The following UNC13D variants were observed in gnomAD, a reference collection of about 807,000 sequenced individuals.
UNC13D encodes the protein unc-13 homolog D, also known as protein unc-13 homolog D.
A neutral mutation model predicts 151.7 loss-of-function variants in UNC13D; 115 were observed. The observed-to-expected ratio is 0.76, with a 90% CI of 0.65 to 0.88. UNC13D has a LOEUF of 0.88. Among genes scored for constraint, UNC13D ranks in the 40% least tolerant of loss-of-function variants. UNC13D has a pLI of 0.00. For missense variants in UNC13D, 1,369 were observed against 1,438.7 expected (o/e 0.95, Z 0.78); for synonymous variants, 588 against 612.2 (o/e 0.96, Z 0.58).
In UNC13D at chr17:75,840,435, G is replaced by A; in HGVS notation, c.753+72C>T. ...AGGCTCAGCTTTGTGAGGACACAGA[G>A]CCTCTCCCCAGAACCCCTCCCAACC... On this transcript the variant is annotated intron_variant, in intron 9 of 31. Coordinates refer to ENST00000207549, the MANE Select transcript of UNC13D (RefSeq NM_199242.3). The surrounding 1 kb of genome is among the most constrained non-coding windows in gnomAD (Gnocchi z 4.6). The A allele has an allele frequency of 6.2e-7, 1 of 1,609,140 alleles. No homozygotes were observed. The highest frequency in any genetic ancestry group is 1.7e-5 in the Admixed American group (1 of 59,952).
At position 75,836,889 on chromosome 17, in the gene UNC13D, T is replaced by C; in HGVS notation, c.1085A>G (p.Gln362Arg). Reference protein sequence around the residue: ...AQWLAYSRLYQSLEFPSSCLL... With the variant: ...AQWLAYSRLYRSLEFPSSCLL... Reference sequence around the variant, plus strand: ...GCAGCTGCTGGGGAACTCCAGGCTCTGGTAGAGGCGGCTGTAGGCCAGCCA... The same window carrying C: ...GCAGCTGCTGGGGAACTCCAGGCTCCGGTAGAGGCGGCTGTAGGCCAGCCA... The change falls in exon 13 of 32, where the codon CAG (glutamine) becomes CGG (arginine). Residue 362 changes from glutamine to arginine, a missense_variant. Transcript: ENST00000207549. 1 of 1,613,514 alleles carries C rather than the reference T, an allele frequency of 6.2e-7. No individual in the cohort carries two copies. Among genetic ancestry groups the C allele is most frequent in the Non-Finnish European group, 8.5e-7 (1 of 1,180,004 alleles).
At position 75,840,605 on chromosome 17, in the gene UNC13D, A is replaced by G; in HGVS notation, c.684-29T>C. ...CGTCAGGCAGGGTCCCATAAGGGGG[A>G]CGCAGCAAGGGTCGGAAGGGATTAG... On this transcript the variant is annotated intron_variant, in intron 8 of 31. Coordinates refer to ENST00000207549, the MANE Select transcript of UNC13D (RefSeq NM_199242.3). This position sits in a 1 kb window ranked among gnomAD's most constrained non-coding sequence, Gnocchi z 4.6. The G allele has an allele frequency of 6.2e-7, 1 of 1,613,722 alleles. No homozygotes were observed. The highest frequency in any genetic ancestry group is 8.5e-7 in the Non-Finnish European group (1 of 1,179,936).
chr17:75,831,472 C>T, intron 25 of UNC13D, 124 bp from the exon 26 acceptor site: 1 of 844,294 alleles, frequency 1.2e-6, no homozygotes, highest in Non-Finnish European at 1.8e-6. Context: ...CTCCCACCCC[C>T]AACCTCCCCC....
chr17:75,843,785 A>G, intron 1 of UNC13D: 1 of 1,405,802 alleles, frequency 7.1e-7, no homozygotes, highest in Non-Finnish European at 9.3e-7. Context: ...CCCAGAGGAA[A>G]CAGCTCTGCT....
rs141576434 is a variant in UNC13D at position 75,830,324 on chromosome 17, G to A, written c.2830+38C>T. 1,795 of 1,586,000 alleles carry A rather than the reference G, an allele frequency of 1.1e-3. 15 individuals carry two copies. The African/African-American group carries it at 0.019, about 17-fold the overall frequency. On this transcript the variant is annotated intron_variant, in intron 29 of 31. Transcript: ENST00000207549. ...GTCGCTGAGACAGGAGGGCCAGGAC[G>A]GGACCATGGAGAGTGGCCAAAGGCA...
At chr17:75,839,975 T>C in intron 11 of UNC13D, 33 bp from the exon 12 acceptor site, 1 of 1,613,544 alleles carries the variant, frequency 6.2e-7, no homozygotes, top group South Asian at 1.1e-5. Flanking sequence ...TGTCAGGACC[T>C]GAAGGGCAGC....
At position 75,829,933 on chromosome 17, in the gene UNC13D, G is replaced by A. The variant is rs2062149518; in HGVS notation, c.2954+95C>T. The A allele has an allele frequency of 8.4e-6, 13 of 1,542,898 alleles. No individual in the cohort carries two copies. In the Admixed American group the frequency reaches 1.2e-4, roughly 14 times the overall value. On this transcript the variant is annotated intron_variant, in intron 30 of 31. Transcript: ENST00000207549. ...TGGGCCCAAATGTGGCCATCTCAGG[G>A]GAGCCCCTTGGCCCCAGCCAGGAGG...
intron 12 of UNC13D, 73 bp from the exon 13 acceptor site, chr17:75,836,991 TG>T (rs1203791200): frequency 4.0e-6 from 4 of 991,576 alleles, no homozygotes; most frequent in Non-Finnish European, 5.4e-6. Flanking sequence ...CGGCCTCAGG[TG>T]GGGGGAATCG....
chr17:75,837,904 A>C (rs954650896), intron 12 of UNC13D, among the ~76,000 whole-genome samples: 14 of 152,104 alleles, frequency 9.2e-5, no homozygotes, highest in African/African-American at 2.7e-4. Flanking sequence ...GATGGGGGAG[A>C]GGAGCAGCCT....
rs1599406063 is a variant in UNC13D, at chr17:75,833,430, C to G, written c.2368-385G>C. ...CTAAAAATACAACCCTCTGACACTT[C>G]TCAGCCGCTTCTCTGTTTTAAATTT... On this transcript the variant is annotated intron_variant, in intron 24 of 31. Coordinates refer to ENST00000207549, the MANE Select transcript of UNC13D (RefSeq NM_199242.3). The surrounding 1 kb of genome is among the most constrained non-coding windows in gnomAD (Gnocchi z 4.0). Among the ~76,000 whole-genome samples, 1 of 151,994 alleles carries G rather than the reference C, an allele frequency of 6.6e-6. No homozygotes were observed. Among genetic ancestry groups the G allele is most frequent in the East Asian group, 1.9e-4 (1 of 5,168 alleles).
chr17:75,837,953 C>T (rs1158561758), intron 12 of UNC13D, among the ~76,000 whole-genome samples: 2 of 152,082 alleles, frequency 1.3e-5, no homozygotes, highest in African/African-American at 4.8e-5. Context: ...CTGCAGCCAC[C>T]TGCATTACTG....
In UNC13D at chr17:75,840,003, C is replaced by A. The variant is rs759200590; in HGVS notation, c.951+15G>T. On this transcript the variant is annotated intron_variant, in intron 11 of 31. Transcript: ENST00000207549. The surrounding 1 kb of genome is among the most constrained non-coding windows in gnomAD (Gnocchi z 4.6). ...AGGGCAGCCCCGGCTGCGCCCAGCC[C>A]CAGGAGGGCAATACCTCGTGCTGGG... The A allele has an allele frequency of 6.2e-7, 1 of 1,613,522 alleles. No individual in the cohort carries two copies.
chr17:75,835,009 T>C lies in UNC13D; in HGVS notation c.1903A>G (p.Thr635Ala). ...GTGTGGCTGATCTGGGCAAAGCAGGTGGATAGATCCACCGCTGATGTGCTG... is the reference window on the plus strand; with the variant it reads ...GTGTGGCTGATCTGGGCAAAGCAGGCGGATAGATCCACCGCTGATGTGCTG... Reference protein sequence around the residue: ...KHSTSAVDLSTCFAQISHTAR... With the variant: ...KHSTSAVDLSACFAQISHTAR... The change falls in exon 21 of 32, where the codon ACC becomes GCC. Residue 635 changes from threonine to alanine, a missense_variant. Transcript: ENST00000207549. 1.2e-6 allele frequency: 2 copies of C among 1,613,890 alleles called. No individual in the cohort carries two copies. The highest frequency in any genetic ancestry group is 1.7e-6 in the Non-Finnish European group (2 of 1,179,982).
chr17:75,843,868 C>T (rs561527785), intron 1 of UNC13D: 12 of 1,369,508 alleles, frequency 8.8e-6, no homozygotes, highest in East Asian at 5.8e-5. Flanking sequence ...GGTGCCACGT[C>T]GGCCTGGGGG....
intron 12 of UNC13D, among the ~76,000 whole-genome samples, chr17:75,838,213 TC>T (rs1027984616): frequency 4.7e-5 from 7 of 148,802 alleles, no homozygotes; most frequent in Non-Finnish European, 1.0e-4. Context: ...CTTGGCTGTG[TC>T]CCATCTCTTT....
intron 12 of UNC13D, among the ~76,000 whole-genome samples, chr17:75,838,927 C>A (rs1033886064): frequency 2.6e-5 from 4 of 152,130 alleles, no homozygotes; most frequent in Admixed American, 6.5e-5. Context: ...GGTGAAACCC[C>A]ATCTCTACTA....
At chr17:75,830,275 T>C in intron 29 of UNC13D, 87 bp downstream of exon 29, 1 of 1,561,674 alleles carries the variant, frequency 6.4e-7, no homozygotes, top group Non-Finnish European at 8.7e-7. Flanking sequence ...CCAGAGCTCC[T>C]GCAGGGTGAG....
chr17:75,838,732 G>A (rs554266720), intron 12 of UNC13D, among the ~76,000 whole-genome samples: 6 of 152,346 alleles, frequency 3.9e-5, no homozygotes, highest in Admixed American at 3.3e-4. Flanking sequence ...CTCAGGAGAC[G>A]AAAGCAACTG....
Position 75,827,633 on chromosome 17 carries a change from G to T in UNC13D, c.*332C>A, listed in dbSNP as rs927930306. 2.6e-6 allele frequency: 4 copies of T among 1,535,316 alleles called. No individual in the cohort carries two copies. Among genetic ancestry groups the T allele is most frequent in the Non-Finnish European group, 3.5e-6 (4 of 1,146,642 alleles). On this transcript the variant is annotated 3_prime_UTR_variant, in exon 32 of 32. Transcript: ENST00000207549. ...GAAGGCCAGGAGGCAGATGGGCCAGGGCCAGGAGACAGATGGCCCAATCCC... is the reference window on the plus strand; with the variant it reads ...GAAGGCCAGGAGGCAGATGGGCCAGTGCCAGGAGACAGATGGCCCAATCCC...
Sources: gnomAD v4.1 joint callset for allele counts (sites outside exome capture counted in the v4.1 genomes callset) on GRCh38, gnomAD v4.1.1 for gene constraint, Gnocchi (gnomAD v3.1) non-coding constraint, MANE v1.5 for transcripts, NCBI Gene and HGNC (gene_info 2026-07-23, HGNC 2026-07-21) for gene names.